Variants in SOX5 observed in about 807,000 individuals in gnomAD.
SOX5 encodes the protein transcription factor SOX-5.
SOX5 carries 9 observed loss-of-function variants against 92.0 expected under a neutral mutation model. The observed-to-expected ratio is 0.10, with a 90% CI of 0.06 to 0.17. The LOEUF (loss-of-function observed/expected upper bound fraction) is 0.17. Among genes scored for constraint, SOX5 ranks in the 10% least tolerant of loss-of-function variants. The pLI is 1.00. For missense variants in SOX5, 642 were observed against 944.5 expected, an observed-to-expected ratio of 0.68 and a Z score of 4.20; for synonymous variants, 344 against 336.3, an observed-to-expected ratio of 1.02 and a Z score of -0.25.
chr12:23,928,068 A>G (rs1278892311), intron 1 of SOX5, among the ~76,000 whole-genome samples: 2 of 152,060 alleles, frequency 1.3e-5, no homozygotes, highest in South Asian at 2.1e-4. Context: ...GTGAAAATCT[A>G]CTGGGCACAT....
At chr12:23,796,140 A>C (rs751820390) in intron 3 of SOX5, among the ~76,000 whole-genome samples, 15 of 152,126 alleles carry the variant, frequency 9.9e-5, no homozygotes, top group Non-Finnish European at 1.8e-4. Context: ...TAATGAATCC[A>C]TGGTGTTTAG....
chr12:24,127,403 A>C (rs200833373), intron 4 of SOX5, among the ~76,000 whole-genome samples: 1 of 81,056 alleles, frequency 1.2e-5, no homozygotes, highest in Admixed American at 1.3e-4. Flanking sequence ...TAATAATAAT[A>C]ATGATAATAA....
chr12:23,816,279 G>T (rs1024707031), intron 3 of SOX5, among the ~76,000 whole-genome samples: 1 of 149,356 alleles, frequency 6.7e-6, no homozygotes, highest in Admixed American at 6.7e-5. Context: ...GCACAATCTT[G>T]GCTCACCACA....
At chr12:23,607,457 G>A (rs1423319650) in intron 8 of SOX5, among the ~76,000 whole-genome samples, 1 of 152,154 alleles carries the variant, frequency 6.6e-6, no homozygotes, top group Non-Finnish European at 1.5e-5. Context: ...ACATATGTAA[G>A]AGTGGATAAT....
intron 6 of SOX5, among the ~76,000 whole-genome samples, chr12:23,678,248 TA>T (rs2086022483): frequency 6.6e-6 from 1 of 152,134 alleles, no homozygotes; most frequent in South Asian, 2.1e-4. Context: ...CCATTGTAAA[TA>T]TACCCAATAA....
At chr12:23,828,148 T>C (rs1485602948) in intron 3 of SOX5, among the ~76,000 whole-genome samples, 7 of 152,236 alleles carry the variant, frequency 4.6e-5, no homozygotes, top group Non-Finnish European at 1.0e-4. Context: ...TTTGTTACAA[T>C]TGCCTACCAT....
chr12:24,538,441 A>T (rs1211733912), intron 1 of SOX5, among the ~76,000 whole-genome samples: 4 of 152,110 alleles, frequency 2.6e-5, no homozygotes, highest in African/African-American at 9.7e-5. Context: ...TTTTCCAGAC[A>T]CTTAAGACGT....
chr12:24,231,813 T>C (rs1403904506), intron 3 of SOX5, among the ~76,000 whole-genome samples: 3 of 152,324 alleles, frequency 2.0e-5, no homozygotes, highest in Admixed American at 6.5e-5. Context: ...AGGATGATAA[T>C]TCTTCTGATC....
chr12:24,523,770 G>A (rs567636451), intron 1 of SOX5, among the ~76,000 whole-genome samples: 2 of 152,156 alleles, frequency 1.3e-5, no homozygotes, highest in African/African-American at 2.4e-5. Flanking sequence ...TTAAATGTAA[G>A]ACCTAAAACT....
intron 4 of SOX5, among the ~76,000 whole-genome samples, chr12:24,164,060 G>T (rs1953093554): frequency 6.6e-6 from 1 of 151,992 alleles, no homozygotes; most frequent in African/African-American, 2.4e-5. Context: ...ATTTGCCCAT[G>T]GAACAAATAA....
intron 4 of SOX5, among the ~76,000 whole-genome samples, chr12:24,020,556 A>G (rs2136673528): frequency 6.6e-6 from 1 of 152,268 alleles, no homozygotes; most frequent in South Asian, 2.1e-4. Context: ...TTCGGCCTTA[A>G]TTAAAAAAGA....
chr12:23,766,846 T>G (rs778293028), intron 3 of SOX5, among the ~76,000 whole-genome samples: 3 of 152,148 alleles, frequency 2.0e-5, no homozygotes, highest in Non-Finnish European at 2.9e-5. Flanking sequence ...TAATTTATTA[T>G]ATCGGGGAAA....
At chr12:24,555,021 G>C (rs1297944334) in intron 1 of SOX5, among the ~76,000 whole-genome samples, 1 of 152,230 alleles carries the variant, frequency 6.6e-6, no homozygotes, top group Non-Finnish European at 1.5e-5. Flanking sequence ...GCTCTTAGCT[G>C]ACAATCGAAG....
intron 2 of SOX5, among the ~76,000 whole-genome samples, chr12:24,353,983 A>G (rs1227410202): frequency 1.3e-5 from 2 of 152,204 alleles, no homozygotes. Context: ...ACTATGTACT[A>G]CTGTTACATT....
intron 2 of SOX5, among the ~76,000 whole-genome samples, chr12:23,853,543 GTTT>G (rs67299596): frequency 6.2e-5 from 8 of 129,008 alleles, no homozygotes; most frequent in Non-Finnish European, 8.4e-5. Flanking sequence ...TGTCTAACGT[GTTT>G]TTTTTTTTTT....
At chr12:24,286,727 T>C (rs4579999) in intron 2 of SOX5, among the ~76,000 whole-genome samples, 65,464 of 151,934 alleles carry the variant, frequency 0.43, 16,965 homozygotes, top group East Asian at 0.79. Flanking sequence ...CAGATCTCAG[T>C]ACATTATGAA....
At chr12:23,769,435 G>A (rs1006946298) in intron 3 of SOX5, among the ~76,000 whole-genome samples, 1 of 151,834 alleles carries the variant, frequency 6.6e-6, no homozygotes, top group Non-Finnish European at 1.5e-5. Flanking sequence ...TCTCTATGGG[G>A]CTACTACCAA....
At chr12:24,037,056 C>T (rs1442895664) in intron 4 of SOX5, among the ~76,000 whole-genome samples, 2 of 152,082 alleles carry the variant, frequency 1.3e-5, no homozygotes, top group Admixed American at 1.3e-4. Context: ...CATTCACACC[C>T]TCCAAATGAA....
intron 11 of SOX5, 99 bp downstream of exon 11, chr12:23,563,159 T>C: frequency 9.9e-7 from 1 of 1,012,616 alleles, no homozygotes; most frequent in Non-Finnish European, 1.5e-6. Flanking sequence ...CAGAGAATCA[T>C]TTTGAGGATG....
Sources: gnomAD v4.1 joint callset for allele counts (sites outside exome capture counted in the v4.1 genomes callset) on GRCh38, gnomAD v4.1.1 for gene constraint, MANE v1.5 for transcripts, NCBI Gene and HGNC (gene_info 2026-07-23, HGNC 2026-07-21) for gene names.